The following PSMD1 variants were observed in gnomAD, a reference collection of about 807,000 sequenced individuals.
The protein encoded by PSMD1 is 26S proteasome non-ATPase regulatory subunit 1.
Under a neutral mutation model 119.0 loss-of-function variants are expected in PSMD1, and 18 were observed. The observed-to-expected ratio is 0.15, with a 90% CI of 0.10 to 0.22. The LOEUF (loss-of-function observed/expected upper bound fraction) is 0.22, where lower values mean the gene tolerates loss of function less well. Ranked by LOEUF, PSMD1 falls within the 10% of genes least tolerant of loss-of-function variation. The pLI is 1.00. For missense variants in PSMD1, 702 were observed against 1,158.5 expected, an observed-to-expected ratio of 0.61 and a Z score of 5.72; for synonymous variants, 374 against 396.6, an observed-to-expected ratio of 0.94 and a Z score of 0.68.
intron 19 of PSMD1, among the ~76,000 whole-genome samples, chr2:231,159,353 T>G (rs1426188112): frequency 6.6e-6 from 1 of 152,180 alleles, no homozygotes; most frequent in African/African-American, 2.4e-5. Flanking sequence ...TTGGACAAAA[T>G]CCATAGTCTA....
intron 16 of PSMD1, chr2:231,113,752 G>A (rs147997188): frequency 1.2e-6 from 2 of 1,614,016 alleles, no homozygotes; most frequent in Non-Finnish European, 1.7e-6. Flanking sequence ...CCACACCACT[G>A]TAATCTTGAT....
chr2:231,151,501 A>C (rs1455376525), intron 18 of PSMD1, among the ~76,000 whole-genome samples: 1 of 152,202 alleles, frequency 6.6e-6, no homozygotes, highest in African/African-American at 2.4e-5. Context: ...TTTTTAAAGC[A>C]TTCTATTTAA....
chr2:231,101,285 T>C (rs1417617055), intron 16 of PSMD1, among the ~76,000 whole-genome samples: 2 of 152,200 alleles, frequency 1.3e-5, no homozygotes, highest in African/African-American at 4.8e-5. Flanking sequence ...ATCTAACCCT[T>C]GCTCTTAAGA....
intron 6 of PSMD1, among the ~76,000 whole-genome samples, chr2:231,070,610 A>G (rs996218287): frequency 1.2e-4 from 18 of 152,222 alleles, no homozygotes; most frequent in African/African-American, 2.9e-4. Context: ...CTATATATAA[A>G]TTTGCTTGCA....
chr2:231,108,498 A>C, intron 16 of PSMD1: 2 of 1,594,520 alleles, frequency 1.3e-6, no homozygotes, highest in Non-Finnish European at 1.7e-6. Context: ...ATTATGTTTG[A>C]TGACAACTGC....
Position 231,141,420 on chromosome 2 carries a change from ACTTT to A in PSMD1, c.1998+2571_1998+2574del, listed in dbSNP as rs1327853981. On this transcript the variant is annotated intron_variant, in intron 17 of 24. Coordinates refer to ENST00000308696, the MANE Select transcript of PSMD1 (RefSeq NM_002807.4). Reference sequence around the variant, plus strand: ...CTATTCTGTCTGCTTACCCTGCTATACTTTTTTTTTTTTTTTTTTTGAGACAGTG... The same window carrying A: ...CTATTCTGTCTGCTTACCCTGCTATATTTTTTTTTTTTTTTTGAGACAGTG... Among the ~76,000 whole-genome samples the A allele has an allele frequency of 1.9e-3, 269 of 140,972 alleles. 2 individuals are homozygous for A. Among genetic ancestry groups the A allele is most frequent in the African/African-American group, 6.5e-3 (242 of 37,150 alleles). The allele number at this position is 140,972 out of a possible 152,430, so 92.5% of individuals were successfully genotyped here. A position where few individuals can be genotyped will look rare whatever the true frequency, so the allele number is the denominator to read the frequency against.
chr2:231,128,765 T>TG (rs1365412274), intron 16 of PSMD1, among the ~76,000 whole-genome samples: 1 of 151,876 alleles, frequency 6.6e-6, no homozygotes, highest in Admixed American at 6.6e-5. Context: ...AGTCTAGGAG[T>TG]GGGGGTGTGG....
intron 21 of PSMD1, 72 bp downstream of exon 21, chr2:231,163,799 T>A: frequency 9.1e-7 from 1 of 1,099,558 alleles, no homozygotes; most frequent in Non-Finnish European, 1.3e-6. Context: ...ACTTTTTCTT[T>A]AACTATCTTT....
chr2:231,129,430 T>C (rs1695803861), intron 16 of PSMD1, among the ~76,000 whole-genome samples: 1 of 152,232 alleles, frequency 6.6e-6, no homozygotes, highest in Non-Finnish European at 1.5e-5. Context: ...CTTGTGACTC[T>C]TCTTACATCT....
At chr2:231,067,738 C>A (rs529379876) in intron 5 of PSMD1, among the ~76,000 whole-genome samples, 1 of 152,102 alleles carries the variant, frequency 6.6e-6, no homozygotes, top group Admixed American at 6.5e-5. Context: ...CTCACTGAAA[C>A]CTCTGCCTCC....
At chr2:231,123,512 G>C (rs267599259) in intron 16 of PSMD1, 2 of 1,614,088 alleles carry the variant, frequency 1.2e-6, no homozygotes, top group East Asian at 4.5e-5. Context: ...GCATACTGCA[G>C]CTTCTTCTCC....
intron 16 of PSMD1, among the ~76,000 whole-genome samples, chr2:231,116,259 TG>T (rs1266363701): frequency 6.6e-6 from 1 of 152,144 alleles, no homozygotes; most frequent in Non-Finnish European, 1.5e-5. Context: ...CTACTAAAAA[TG>T]AGGGTACATC....
rs141525864 is a variant in PSMD1 at position 231,138,796 on chromosome 2, G to T, written c.1944G>T (p.Val648=). Residue 648 remains valine (V), a synonymous_variant, in exon 17 of 25, where the codon GTG becomes GTT. Coordinates refer to ENST00000308696, the MANE Select transcript of PSMD1 (RefSeq NM_002807.4). ...TGTCAGAGAGTTACAACCCTCATGT[G>T]CGCTACGGAGCTGCAATGGCCTTGG... is the stretch of plus-strand genomic sequence containing the variant. ...SLLSESYNPH[V]RYGAAMALGI... is the part of the protein sequence containing the mutation. 5.6e-6 allele frequency: 9 copies of T among 1,613,938 alleles called. No individual in the cohort carries two copies. In the African/African-American group the frequency reaches 1.1e-4, roughly 19 times the overall value.
chr2:231,161,249 A>AAAAG (rs200343981), intron 19 of PSMD1, 91 bp from the exon 20 acceptor site: 30 of 1,304,254 alleles, frequency 2.3e-5, no homozygotes, highest in Non-Finnish European at 7.3e-6. Flanking sequence ...AAAAAAAAAA[A>AAAAG]AAAGAAAGAA....
intron 19 of PSMD1, among the ~76,000 whole-genome samples, chr2:231,159,474 C>T (rs1055961360): frequency 3.3e-5 from 5 of 152,064 alleles, no homozygotes; most frequent in Non-Finnish European, 1.5e-5. Context: ...ACAAAATGAC[C>T]TAGTAATCCT....
intron 23 of PSMD1, 131 bp downstream of exon 23, chr2:231,166,148 C>G: frequency 1.0e-6 from 1 of 969,730 alleles, no homozygotes. Context: ...AATTATTTAA[C>G]AAAAGAGAGA....
In PSMD1 at chr2:231,109,548, C is replaced by T. The variant is rs140777813; in HGVS notation, c.1883+22367C>T. 9 of 727,428 alleles carry T rather than the reference C, an allele frequency of 1.2e-5. No individual in the cohort carries two copies. The East Asian group carries it at 2.1e-4, about 17-fold the overall frequency. 45.1% of individuals were successfully genotyped at this position (727,428 alleles called of 1,614,324 possible). ...CTGGGACCCACAATGCAGGATTTGTCGAAGCATTCATCAGTGAAGATTTGA... is the reference window on the plus strand; with the variant it reads ...CTGGGACCCACAATGCAGGATTTGTTGAAGCATTCATCAGTGAAGATTTGA... On this transcript the variant is annotated intron_variant, in intron 16 of 24. Transcript: ENST00000308696.
chr2:231,130,068 G>A (rs938878398), intron 16 of PSMD1, among the ~76,000 whole-genome samples: 6 of 152,024 alleles, frequency 3.9e-5, no homozygotes, highest in African/African-American at 1.4e-4. Flanking sequence ...GGCCAGGCTG[G>A]TCTCAAACTC....
At chr2:231,153,947 C>T (rs1012499603) in intron 19 of PSMD1, among the ~76,000 whole-genome samples, 4 of 150,094 alleles carry the variant, frequency 2.7e-5, no homozygotes, top group African/African-American at 7.4e-5. Flanking sequence ...AACCCCATCT[C>T]TACTAAAAAT....
Sources: allele counts gnomAD v4.1 joint callset (sites outside exome capture counted in the v4.1 genomes callset), GRCh38; gene constraint gnomAD v4.1.1; transcripts MANE v1.5; gene names NCBI Gene and HGNC (gene_info 2026-07-23, HGNC 2026-07-21).